MARCHF8: variants seen among roughly 807,000 people sequenced by gnomAD.
The protein encoded by MARCHF8 is membrane associated ring-CH-type finger 8, also known as E3 ubiquitin-protein ligase MARCHF8.
MARCHF8 carries 40 observed loss-of-function variants against 51.6 expected under a neutral mutation model. The observed-to-expected ratio is 0.77, with a 90% confidence interval of 0.60 to 1.01. The LOEUF (loss-of-function observed/expected upper bound fraction) is 1.01. Among genes scored for constraint, MARCHF8 ranks in the 50% least tolerant of loss-of-function variants. The pLI is 0.00. For synonymous variants in MARCHF8, 263 were observed against 280.3 expected (o/e 0.94, Z 0.62); for missense variants, 685 against 708.6 (o/e 0.97, Z 0.38).
chr10:45,500,895 T>C (rs924876870), intron 2 of MARCHF8, among the ~76,000 whole-genome samples: 6 of 151,764 alleles, frequency 4.0e-5, no homozygotes, highest in Admixed American at 3.9e-4. Flanking sequence ...AACACACATA[T>C]AGCAATGAAC....
Position 45,482,110 on chromosome 10 carries a change from G to A in MARCHF8, c.153+7257C>T, listed in dbSNP as rs1260565708. On this transcript the variant is annotated intron_variant, in intron 3 of 7. Transcript: ENST00000453424. ...ATACCTAGAAATAAATTTAATCAAAGAGGTGAAAGGCGTTGCAAGGAAAAC... is the reference window on the plus strand; with the variant it reads ...ATACCTAGAAATAAATTTAATCAAAAAGGTGAAAGGCGTTGCAAGGAAAAC... 3.3e-5 allele frequency among the ~76,000 whole-genome samples: 5 copies of A among 152,140 alleles called. No homozygotes were observed. The South Asian group carries it at 1.0e-3, about 32-fold the overall frequency.
At position 45,455,859 on chromosome 10, in the gene MARCHF8, G is replaced by A. The variant is rs1842586412; in HGVS notation, c.*2380C>T. 6.6e-6 allele frequency: 1 copy of A among 152,366 alleles called. No homozygotes were observed. Among genetic ancestry groups the A allele is most frequent in the African/African-American group, 2.4e-5 (1 of 41,464 alleles). 9.4% of individuals were successfully genotyped at this position (152,366 alleles called of 1,614,324 possible). A position where few individuals can be genotyped will look rare whatever the true frequency, so the allele number is the denominator to read the frequency against. On this transcript the variant is annotated 3_prime_UTR_variant, in exon 8 of 8. Coordinates refer to ENST00000453424, the MANE Select transcript of MARCHF8 (RefSeq NM_001282866.2). Reference sequence around the variant, plus strand: ...TGAGATGGTGTTAGGCAGAAAAGAAGGGAGAGGGCTTCCCATGAGAATCTG... The same window carrying A: ...TGAGATGGTGTTAGGCAGAAAAGAAAGGAGAGGGCTTCCCATGAGAATCTG...
chr10:45,514,626 T>A (rs922474388), intron 2 of MARCHF8, among the ~76,000 whole-genome samples: 2 of 152,206 alleles, frequency 1.3e-5, no homozygotes, highest in African/African-American at 4.8e-5. Flanking sequence ...GCAACCAATT[T>A]CACCTCTGCC....
At chr10:45,506,698 A>G (rs550226715) in intron 2 of MARCHF8, among the ~76,000 whole-genome samples, 1 of 152,334 alleles carries the variant, frequency 6.6e-6, no homozygotes, top group African/African-American at 2.4e-5. Context: ...AGACCACCAA[A>G]CAGGCTTTGT....
At chr10:45,495,095 G>C (rs1589119173) in intron 2 of MARCHF8, among the ~76,000 whole-genome samples, 1 of 151,534 alleles carries the variant, frequency 6.6e-6, no homozygotes, top group South Asian at 2.1e-4. Flanking sequence ...ACTCCAGCCT[G>C]GGCAACAAAA....
intron 1 of MARCHF8, among the ~76,000 whole-genome samples, chr10:45,534,719 T>C (rs923935840): frequency 3.3e-5 from 5 of 152,072 alleles, no homozygotes; most frequent in Non-Finnish European, 1.5e-5. Context: ...GGTGAGGCAG[T>C]AGGAAAAGGT....
At chr10:45,469,796 C>T (rs1176559197) in intron 3 of MARCHF8, among the ~76,000 whole-genome samples, 7 of 123,022 alleles carry the variant, frequency 5.7e-5, no homozygotes, top group African/African-American at 1.5e-4. Context: ...ACCCGGGAGG[C>T]GGAGCTTGCA....
intron 2 of MARCHF8, among the ~76,000 whole-genome samples, chr10:45,502,190 T>C (rs1362780925): frequency 1.3e-5 from 2 of 152,178 alleles, no homozygotes; most frequent in Non-Finnish European, 2.9e-5. Flanking sequence ...GCAGCTTTGT[T>C]CAAACAAATG....
At chr10:45,560,813 G>T (rs2044302289) in intron 1 of MARCHF8, among the ~76,000 whole-genome samples, 1 of 152,174 alleles carries the variant, frequency 6.6e-6, no homozygotes, top group Admixed American at 6.5e-5. Context: ...GTTGGATCCT[G>T]AAAGCCATTC....
chr10:45,513,683 G>A (rs565692303), intron 2 of MARCHF8, among the ~76,000 whole-genome samples: 3 of 152,086 alleles, frequency 2.0e-5, no homozygotes, highest in South Asian at 2.1e-4. Context: ...TAACAGAGAC[G>A]GCATCCACAA....
intron 1 of MARCHF8, among the ~76,000 whole-genome samples, chr10:45,568,229 G>A (rs1019783728): frequency 3.9e-5 from 6 of 152,242 alleles, no homozygotes; most frequent in Non-Finnish European, 8.8e-5. Context: ...ACGATAATTT[G>A]ACTTCTTCCT....
intron 2 of MARCHF8, among the ~76,000 whole-genome samples, chr10:45,515,161 A>G (rs2043597588): frequency 6.6e-6 from 1 of 152,260 alleles, no homozygotes; most frequent in African/African-American, 2.4e-5. Context: ...CAAATGAGTC[A>G]TATCTAAAGA....
chr10:45,530,658 A>T (rs956748683), intron 2 of MARCHF8, among the ~76,000 whole-genome samples: 8 of 152,184 alleles, frequency 5.3e-5, no homozygotes, highest in Non-Finnish European at 7.3e-5. Flanking sequence ...CTATAGTGCC[A>T]GCTACTTGGG....
intron 3 of MARCHF8, among the ~76,000 whole-genome samples, chr10:45,482,926 TGA>T (rs1192038557): frequency 6.6e-6 from 1 of 152,132 alleles, no homozygotes; most frequent in Non-Finnish European, 1.5e-5. Context: ...GCTGGGAAAA[TGA>T]GAGATCCATA....
chr10:45,546,354 G>A (rs2044122350), intron 1 of MARCHF8, among the ~76,000 whole-genome samples: 2 of 151,536 alleles, frequency 1.3e-5, no homozygotes, highest in African/African-American at 4.8e-5. Flanking sequence ...GTAGAGACAG[G>A]GTTTCACCAT....
intron 1 of MARCHF8, among the ~76,000 whole-genome samples, chr10:45,581,094 G>C (rs2133422700): frequency 1.3e-5 from 2 of 152,208 alleles, no homozygotes; most frequent in Middle Eastern, 3.4e-3. Context: ...GACCAGCTGA[G>C]CGGTATTCGT....
intron 1 of MARCHF8, among the ~76,000 whole-genome samples, chr10:45,564,386 GAC>G (rs573139603): frequency 6.6e-5 from 10 of 152,232 alleles, no homozygotes; most frequent in South Asian, 2.1e-4. Flanking sequence ...GACTGAATAT[GAC>G]ACAGTCACTG....
chr10:45,543,837 A>G (rs541572446), intron 1 of MARCHF8, among the ~76,000 whole-genome samples: 1 of 151,750 alleles, frequency 6.6e-6, no homozygotes, highest in Non-Finnish European at 1.5e-5. Flanking sequence ...TATCTAGAAT[A>G]AAGAACTCCT....
At chr10:45,572,041 T>C (rs1004679621) in intron 1 of MARCHF8, among the ~76,000 whole-genome samples, 2 of 152,256 alleles carry the variant, frequency 1.3e-5, no homozygotes, top group East Asian at 3.9e-4. Flanking sequence ...GGCAAGTCAA[T>C]TGCAGGGACA....
Sources: allele counts gnomAD v4.1 joint callset (sites outside exome capture counted in the v4.1 genomes callset), GRCh38; gene constraint gnomAD v4.1.1; transcripts MANE v1.5; gene names NCBI Gene and HGNC (gene_info 2026-07-23, HGNC 2026-07-21).